RPP25L: variants seen among roughly 807,000 people sequenced by gnomAD.
The protein encoded by RPP25L is ribonuclease P protein subunit p25-like protein.
RPP25L carries 5 observed loss-of-function variants against 10.1 expected under a neutral mutation model. The ratio of observed to expected loss-of-function variants is 0.50; its 90% CI spans 0.26 to 1.04. RPP25L has a LOEUF of 1.04. RPP25L is among the 50% of genes least tolerant of loss of function. RPP25L has a pLI of 0.14. For synonymous variants in RPP25L, 96 were observed against 88.6 expected (o/e 1.08, Z -0.47); for missense variants, 192 against 217.3 (o/e 0.88, Z 0.73).
Position 34,610,616 on chromosome 9 carries a change from G to T in RPP25L, c.*189C>A. ...ATTTAGCAATGCAGAACTTGGCAGA[G>T]GCCCCACATCTGTCATTCTTCACAG... is the stretch of plus-strand genomic sequence containing the variant. On this transcript the variant is annotated 3_prime_UTR_variant, in exon 2 of 2. Transcript: ENST00000378959. The T allele has an allele frequency of 1.6e-6, 1 of 628,054 alleles. No homozygotes were observed. The highest frequency in any genetic ancestry group is 2.9e-5 in the Admixed American group (1 of 34,124). The allele number at this position is 628,054 out of a possible 1,614,324, so 38.9% of individuals were successfully genotyped here. A position where few individuals can be genotyped will look rare whatever the true frequency, so the allele number is the denominator to read the frequency against.
chr9:34,610,987 CTG>C lies in RPP25L; in HGVS notation c.308_309del (p.Thr103ArgfsTer27). The C allele has an allele frequency of 6.2e-7, 1 of 1,614,012 alleles. No individual in the cohort carries two copies. Among genetic ancestry groups the C allele is most frequent in the Non-Finnish European group, 8.5e-7 (1 of 1,180,002 alleles). ...EDSWVPASPD[T>X]GLDPLTVRRH... ...CGGCGCACTGTGAGGGGGTCTAGCC[CTG>C]TGTCAGGTGAGGCTGGGACCCAGCT... On this transcript the variant is annotated frameshift_variant, in exon 2 of 2. Coordinates refer to ENST00000378959, the MANE Select transcript of RPP25L (RefSeq NM_148178.3). LOFTEE classifies it high-confidence loss of function.
chr9:34,610,678 T>C lies in RPP25L; in HGVS notation c.*127A>G, dbSNP rs1016775795. On this transcript the variant is annotated 3_prime_UTR_variant, in exon 2 of 2. Coordinates refer to ENST00000378959, the MANE Select transcript of RPP25L (RefSeq NM_148178.3). ...CACATGCTAGAGGGAAGGGGAAGCA[T>C]GATAGGGAGGTCCACTTTTGTGGAC... 2.9e-6 allele frequency: 3 copies of C among 1,026,840 alleles called. No homozygotes were observed. Among genetic ancestry groups the C allele is most frequent in the African/African-American group, 3.2e-5 (2 of 62,592 alleles). The allele number at this position is 1,026,840 out of a possible 1,614,324, so 63.6% of individuals were successfully genotyped here.
chr9:34,610,869 C>T lies in RPP25L; in HGVS notation c.428G>A (p.Gly143Asp), dbSNP rs1820290366. The T allele has an allele frequency of 2.5e-6, 4 of 1,576,944 alleles. No homozygotes were observed. The highest frequency in any genetic ancestry group is 2.6e-6 in the Non-Finnish European group (3 of 1,157,780). Residue 143 changes from glycine (G) to aspartate (D), a missense_variant, in exon 2 of 2, where the codon GGT becomes GAT. Transcript: ENST00000378959. ...YQPPGAPPGL[G>D]SMPSSSCGPR... Reference sequence around the variant, plus strand: ...GCCACAGCTGGAGCTGGGCATGGAACCCAGGCCAGGGGGTGCTCCTGGGGG... The same window carrying T: ...GCCACAGCTGGAGCTGGGCATGGAATCCAGGCCAGGGGGTGCTCCTGGGGG...
rs764330473 is a variant in RPP25L, at chr9:34,611,422, C to T, written c.-36-90G>A. ...CTCCATCCAGGATATGGCCCTGCTC[C>T]CCGTTCCAGACTTCCCAGAAACAGG... On this transcript the variant is annotated intron_variant, in intron 1 of 1. Transcript: ENST00000378959. The surrounding 1 kb of genome is among the most constrained non-coding windows in gnomAD (Gnocchi z 4.4). The T allele has an allele frequency of 4.8e-4, 501 of 1,036,726 alleles. No homozygotes were observed. The highest frequency in any genetic ancestry group is 6.3e-4 in the Non-Finnish European group (453 of 724,074). 64.2% of individuals were successfully genotyped at this position (1,036,726 alleles called of 1,614,324 possible).
rs1355349745 is a variant in RPP25L at position 34,611,390 on chromosome 9, C to T, written c.-36-58G>A. ...TGTGCCCCAAGTCACTGTCCACCAT[C>T]CCCTATCTCCATCCAGGATATGGCC... On this transcript the variant is annotated intron_variant, in intron 1 of 1. Coordinates refer to ENST00000378959, the MANE Select transcript of RPP25L (RefSeq NM_148178.3). This position sits in a 1 kb window ranked among gnomAD's most constrained non-coding sequence, Gnocchi z 4.4. 2.2e-6 allele frequency: 3 copies of T among 1,343,944 alleles called. No individual in the cohort carries two copies. The African/African-American group carries it at 4.3e-5, about 19-fold the overall frequency. The allele number at this position is 1,343,944 out of a possible 1,614,324, so 83.3% of individuals were successfully genotyped here.
At position 34,610,706 on chromosome 9, in the gene RPP25L, A is replaced by C; in HGVS notation, c.*99T>G. 2 of 1,380,432 alleles carry C rather than the reference A, an allele frequency of 1.4e-6. No homozygotes were observed. Among genetic ancestry groups the C allele is most frequent in the South Asian group, 2.8e-5 (2 of 70,390 alleles). 85.5% of individuals were successfully genotyped at this position (1,380,432 alleles called of 1,614,324 possible). A position where few individuals can be genotyped will look rare whatever the true frequency, so the allele number is the denominator to read the frequency against. On this transcript the variant is annotated 3_prime_UTR_variant, in exon 2 of 2. Coordinates refer to ENST00000378959, the MANE Select transcript of RPP25L (RefSeq NM_148178.3). ...TAGGGAGGTCCACTTTTGTGGACTCAAACCTTGATGGGGATGTTGAGCAGT... is the reference window on the plus strand; with the variant it reads ...TAGGGAGGTCCACTTTTGTGGACTCCAACCTTGATGGGGATGTTGAGCAGT...
chr9:34,610,778 C>A lies in RPP25L; in HGVS notation c.*27G>T, dbSNP rs771553331. 1.3e-6 allele frequency: 2 copies of A among 1,512,536 alleles called. No individual in the cohort carries two copies. The highest frequency in any genetic ancestry group is 1.8e-6 in the Non-Finnish European group (2 of 1,131,526). 93.7% of individuals were successfully genotyped at this position (1,512,536 alleles called of 1,614,324 possible). ...CACAAGCACCCCAGACATTCAGGCC[C>A]GGAGAACAGGCTGGCTCAGCAGGTC... On this transcript the variant is annotated 3_prime_UTR_variant, in exon 2 of 2. Coordinates refer to ENST00000378959, the MANE Select transcript of RPP25L (RefSeq NM_148178.3).
In RPP25L at chr9:34,611,005, G is replaced by A. The variant is rs199566393; in HGVS notation, c.292C>T (p.Pro98Ser). Residue 98 changes from proline (P) to serine (S), a missense_variant, in exon 2 of 2, where the codon CCA becomes TCA. Pro to Ser is a moderately conservative substitution (Grantham distance 74). Transcript: ENST00000378959. This position sits in a 1 kb window ranked among gnomAD's most constrained non-coding sequence, Gnocchi z 4.4. ...TCTAGCCCTGTGTCAGGTGAGGCTG[G>A]GACCCAGCTGTCCTCAGTCTGAAGG... ...RFLQTEDSWV[P>S]ASPDTGLDPL... 3.6e-5 allele frequency: 58 copies of A among 1,613,982 alleles called. No homozygotes were observed. In the Middle Eastern group the frequency reaches 1.3e-3, roughly 37 times the overall value.
At position 34,611,231 on chromosome 9, in the gene RPP25L, A is replaced by G; in HGVS notation, c.66T>C (p.Pro22=). The G allele has an allele frequency of 6.2e-7, 1 of 1,613,942 alleles. No homozygotes were observed. Among genetic ancestry groups the G allele is most frequent in the South Asian group, 1.1e-5 (1 of 91,086 alleles). ...GGACCCGCATCTCAAGGGTATCAGG[A>G]GGTAGCTGGGGCATTGGGGAAGGCG... is the stretch of plus-strand genomic sequence containing the variant. ...LPAPSPMPQL[P]PDTLEMRVRD... The change falls in exon 2 of 2, where the codon CCT becomes CCC. Residue 22 remains proline (P), a synonymous_variant. Coordinates refer to ENST00000378959, the MANE Select transcript of RPP25L (RefSeq NM_148178.3). This position sits in a 1 kb window ranked among gnomAD's most constrained non-coding sequence, Gnocchi z 4.4.
rs1327985621 is a variant in RPP25L at position 34,611,155 on chromosome 9, C to T, written c.142G>A (p.Glu48Lys). The T allele has an allele frequency of 6.2e-7, 1 of 1,614,164 alleles. No homozygotes were observed. Among genetic ancestry groups the T allele is most frequent in the Non-Finnish European group, 8.5e-7 (1 of 1,180,034 alleles). ...NLLGLALGRL[E>K]GGSARHVVFS... ...ACTACATGCCGAGCACTGCCGCCCT[C>T]CAACCGACCCAGAGCCAACCCCAGC... The change falls in exon 2 of 2, where the codon GAG becomes AAG. Residue 48 changes from glutamate (E) to lysine (K), a missense_variant. Transcript: ENST00000378959. The surrounding 1 kb of genome is among the most constrained non-coding windows in gnomAD (Gnocchi z 4.4).
In RPP25L at chr9:34,610,945, A is replaced by G. The variant is rs1490755931; in HGVS notation, c.352T>C (p.Trp118Arg). 6.2e-7 allele frequency: 1 copy of G among 1,613,728 alleles called. No homozygotes were observed. The highest frequency in any genetic ancestry group is 8.5e-7 in the Non-Finnish European group (1 of 1,179,936). Residue 118 changes from tryptophan to arginine, a missense_variant, in exon 2 of 2, where the codon TGG becomes CGG. Transcript: ENST00000378959. ...AGGGGGTCCCGGCTGAGCAGCACCC[A>G]CACTGCAGGCACATGGCGGCGCACT... ...LTVRRHVPAV[W>R]VLLSRDPLDP...
At position 34,611,198 on chromosome 9, in the gene RPP25L, G is replaced by C. The variant is rs1820297004; in HGVS notation, c.99C>G (p.Gly33=). 1 of 1,613,958 alleles carries C rather than the reference G, an allele frequency of 6.2e-7. No homozygotes were observed. The highest frequency in any genetic ancestry group is 1.3e-5 in the African/African-American group (1 of 74,924). ...ACCCCAGCAGGTTGCGAATTTTGCT[G>C]CCATCTCGGACCCGCATCTCAAGGG... ...PDTLEMRVRD[G]SKIRNLLGLA... Residue 33 remains glycine (G), a synonymous_variant, in exon 2 of 2, where the codon GGC becomes GGG. Transcript: ENST00000378959. This position sits in a 1 kb window ranked among gnomAD's most constrained non-coding sequence, Gnocchi z 4.4.
rs762439144 is a variant in RPP25L at position 34,611,285 on chromosome 9, G to A, written c.12C>T (p.Tyr4=). 1 of 1,613,000 alleles carries A rather than the reference G, an allele frequency of 6.2e-7. No individual in the cohort carries two copies. The highest frequency in any genetic ancestry group is 2.2e-5 in the East Asian group (1 of 44,870). The change falls in exon 2 of 2, where the codon TAC becomes TAT. Residue 4 remains tyrosine (Y), a synonymous_variant. Transcript: ENST00000378959. The surrounding 1 kb of genome is among the most constrained non-coding windows in gnomAD (Gnocchi z 4.4). ...GGAGCTCTACAGAGCCAGCTTTCCG[G>A]TAGTGCTCCATCCTGCTTGCTGTCT... is the stretch of plus-strand genomic sequence containing the variant. MEH[Y]RKAGSVELPA... is the part of the protein sequence containing the mutation.
rs1820290534 is a variant in RPP25L at position 34,610,874 on chromosome 9, G to A, written c.423C>T (p.Gly141=). The change falls in exon 2 of 2, where the codon GGC becomes GGT. Residue 141 remains glycine (G), a synonymous_variant. Transcript: ENST00000378959. ...AGCTGGAGCTGGGCATGGAACCCAG[G>A]CCAGGGGGTGCTCCTGGGGGTTGGT... The part of the protein sequence containing the change: ...CGYQPPGAPP[G]LGSMPSSSCG... 1 of 1,585,806 alleles carries A rather than the reference G, an allele frequency of 6.3e-7. No homozygotes were observed. The highest frequency in any genetic ancestry group is 8.6e-7 in the Non-Finnish European group (1 of 1,162,140).
rs765398877 is a variant in RPP25L at position 34,610,787 on chromosome 9, G to C, written c.*18C>G. 2 of 1,516,284 alleles carry C rather than the reference G, an allele frequency of 1.3e-6. No individual in the cohort carries two copies. The allele number at this position is 1,516,284 out of a possible 1,614,324, so 93.9% of individuals were successfully genotyped here. On this transcript the variant is annotated 3_prime_UTR_variant, in exon 2 of 2. Transcript: ENST00000378959. ...CCCAGACATTCAGGCCCGGAGAACA[G>C]GCTGGCTCAGCAGGTCTTCACGATC... is the stretch of plus-strand genomic sequence containing the variant.
chr9:34,610,848 C>T lies in RPP25L; in HGVS notation c.449G>A (p.Cys150Tyr). The T allele has an allele frequency of 1.3e-6, 2 of 1,554,262 alleles. No homozygotes were observed. The highest frequency in any genetic ancestry group is 1.2e-5 in the South Asian group (1 of 82,592). The change falls in exon 2 of 2, where the codon TGT becomes TAT. Residue 150 changes from cysteine to tyrosine, a missense_variant. Physicochemically the swap from Cys to Tyr is radical, Grantham distance 194. Transcript: ENST00000378959. ...AGCCCTTCTTCGGGAACGAGGGCCA[C>T]AGCTGGAGCTGGGCATGGAACCCAG... is the stretch of plus-strand genomic sequence containing the variant. ...PGLGSMPSSS[C>Y]GPRSRRRARD...
rs376696921 is a variant in RPP25L at position 34,611,301 on chromosome 9, C to G, written c.-5G>C. ...AGCTTTCCGGTAGTGCTCCATCCTG[C>G]TTGCTGTCTTGTCTGTGACTCTCGC... On this transcript the variant is annotated 5_prime_UTR_variant, in exon 2 of 2. Transcript: ENST00000378959. The surrounding 1 kb of genome is among the most constrained non-coding windows in gnomAD (Gnocchi z 4.4). 1 of 1,610,716 alleles carries G rather than the reference C, an allele frequency of 6.2e-7. No homozygotes were observed. The highest frequency in any genetic ancestry group is 8.5e-7 in the Non-Finnish European group (1 of 1,178,474).
rs201399975 is a variant in RPP25L at position 34,611,117 on chromosome 9, A to G, written c.180T>C (p.Ser60=). ...GSARHVVFSG[S]GRAAGKAVSC... ...TGACAGCCTTTCCTGCAGCCCTGCC[A>G]GAACCTGAGAACACTACATGCCGAG... The change falls in exon 2 of 2, where the codon TCT becomes TCC. Residue 60 remains serine, a synonymous_variant. Coordinates refer to ENST00000378959, the MANE Select transcript of RPP25L (RefSeq NM_148178.3). This position sits in a 1 kb window ranked among gnomAD's most constrained non-coding sequence, Gnocchi z 4.4. The G allele has an allele frequency of 1.2e-5, 19 of 1,614,156 alleles. 1 individual carries two copies. In the South Asian group the frequency reaches 2.0e-4, roughly 17 times the overall value.
At position 34,610,567 on chromosome 9, in the gene RPP25L, A is replaced by T. The variant is rs1820285673; in HGVS notation, c.*238T>A. ...TCAGAAGGCAGTTCAAATGCACTGT[A>T]GGTAGAAGGCAGAGGAAGCCCTTAT... On this transcript the variant is annotated 3_prime_UTR_variant, in exon 2 of 2. Coordinates refer to ENST00000378959, the MANE Select transcript of RPP25L (RefSeq NM_148178.3). 6 of 476,698 alleles carry T rather than the reference A, an allele frequency of 1.3e-5. No homozygotes were observed. In the South Asian group the frequency reaches 2.6e-4, roughly 21 times the overall value. 29.5% of individuals were successfully genotyped at this position (476,698 alleles called of 1,614,324 possible). A position where few individuals can be genotyped will look rare whatever the true frequency, so the allele number is the denominator to read the frequency against.
Sources: allele counts gnomAD v4.1 joint callset, GRCh38; gene constraint gnomAD v4.1.1; non-coding constraint Gnocchi (gnomAD v3.1); transcripts MANE v1.5; gene names NCBI Gene and HGNC (gene_info 2026-07-23, HGNC 2026-07-21).